The following RAB19 variants were observed in gnomAD, a reference collection of about 807,000 sequenced individuals.
RAB19 encodes the protein RAB19, member RAS oncogene family, also known as ras-related protein Rab-19.
Under a neutral mutation model 17.3 loss-of-function variants are expected in RAB19, and 21 were observed. The observed-to-expected ratio is 1.21, with a 90% CI of 0.86 to 1.74. RAB19 has a LOEUF of 1.74. Among genes scored for constraint, RAB19 ranks in the 40% most tolerant of loss-of-function variants. The pLI is 0.00. For synonymous variants in RAB19, 126 were observed against 110.4 expected (o/e 1.14, Z -0.88); for missense variants, 277 against 286.8 (o/e 0.97, Z 0.25).
intron 2 of RAB19, 200 bp from the exon 3 acceptor site, chr7:140,411,674 G>A (rs991362496): frequency 4.4e-5 from 57 of 1,292,678 alleles, no homozygotes; most frequent in East Asian, 3.1e-4. Flanking sequence ...TTAGATGGTC[G>A]TTCCCCAACC....
Position 140,406,651 on chromosome 7 carries a change from G to GA in RAB19, c.-23-962dup, listed in dbSNP as rs941891247. On this transcript the variant is annotated intron_variant, in intron 1 of 3. Transcript: ENST00000537763. ...GAGACTCTTTGTCTCAAAAAAAAAAGAAAAAAAAAAACCTTTGGTAAAATA... is the reference window on the plus strand; with the variant it reads ...GAGACTCTTTGTCTCAAAAAAAAAAGAAAAAAAAAAAACCTTTGGTAAAATA... Among the ~76,000 whole-genome samples the GA allele has an allele frequency of 3.6e-3, 500 of 137,030 alleles. 5 individuals are homozygous for GA. The highest frequency in any genetic ancestry group is 0.012 in the African/African-American group (449 of 37,516). 89.9% of individuals were successfully genotyped at this position (137,030 alleles called of 152,430 possible). A position where few individuals can be genotyped will look rare whatever the true frequency, so the allele number is the denominator to read the frequency against.
At position 140,427,613 on chromosome 7, in the gene RAB19, A is replaced by C. The variant is rs1253203756; in HGVS notation, c.*1463A>C. On this transcript the variant is annotated 3_prime_UTR_variant, in exon 4 of 4. Transcript: ENST00000537763. ...ATTACAGCCTCCCGCCACCACGCCT[A>C]GCTAATTTTTGTGTTTTTAGTAGAG... 6.9e-6 allele frequency among the ~76,000 whole-genome samples: 1 copy of C among 145,594 alleles called. No individual in the cohort carries two copies. Among genetic ancestry groups the C allele is most frequent in the Non-Finnish European group, 1.5e-5 (1 of 66,848 alleles).
At chr7:140,404,987 A>T (rs990899034) in intron 1 of RAB19, among the ~76,000 whole-genome samples, 1 of 152,144 alleles carries the variant, frequency 6.6e-6, no homozygotes, top group Non-Finnish European at 1.5e-5. Context: ...CCAGTGCAAA[A>T]TGGAAATTTT....
At chr7:140,419,015 C>G (rs1441372184) in intron 3 of RAB19, among the ~76,000 whole-genome samples, 1 of 151,750 alleles carries the variant, frequency 6.6e-6, no homozygotes, top group African/African-American at 2.4e-5. Context: ...AAGCCCACAT[C>G]CCTAAATACT....
In RAB19 at chr7:140,418,130, T is replaced by G. The variant is rs190756462; in HGVS notation, c.385+6073T>G. Among the ~76,000 whole-genome samples, 449 of 152,232 alleles carry G rather than the reference T, an allele frequency of 2.9e-3. 3 individuals carry two copies. Among genetic ancestry groups the G allele is most frequent in the African/African-American group, 9.9e-3 (412 of 41,546 alleles). On this transcript the variant is annotated intron_variant, in intron 3 of 3. Transcript: ENST00000537763. ...AAGTCCAGCTTTGACACTGGGCAGGTTGGTGACAGTGACTATGGGAAAAGA... is the reference window on the plus strand; with the variant it reads ...AAGTCCAGCTTTGACACTGGGCAGGGTGGTGACAGTGACTATGGGAAAAGA...
chr7:140,415,680 T>C (rs906360517), intron 3 of RAB19, among the ~76,000 whole-genome samples: 1 of 152,140 alleles, frequency 6.6e-6, no homozygotes, highest in Non-Finnish European at 1.5e-5. Context: ...ATGCTGGGCA[T>C]GGTGGCTCAT....
At chr7:140,410,982 G>T in intron 2 of RAB19, 1 of 1,367,768 alleles carries the variant, frequency 7.3e-7, no homozygotes, top group Non-Finnish European at 9.8e-7. Flanking sequence ...GAACAGTTCG[G>T]CCAGTATTAT....
At chr7:140,414,337 C>T (rs1227022930) in intron 3 of RAB19, among the ~76,000 whole-genome samples, 5 of 152,270 alleles carry the variant, frequency 3.3e-5, no homozygotes, top group Non-Finnish European at 5.9e-5. Context: ...CCACCACCCC[C>T]GGCCCCTCTG....
rs35384452 is a variant in RAB19 at position 140,427,452 on chromosome 7, C to CT, written c.*1318dup. Among the ~76,000 whole-genome samples the CT allele has an allele frequency of 6.0e-3, 726 of 121,650 alleles. 1 individual carries two copies. Among genetic ancestry groups the CT allele is most frequent in the Middle Eastern group, 0.016 (3 of 192 alleles). 79.8% of individuals were successfully genotyped at this position (121,650 alleles called of 152,430 possible). A position where few individuals can be genotyped will look rare whatever the true frequency, so the allele number is the denominator to read the frequency against. On this transcript the variant is annotated 3_prime_UTR_variant, in exon 4 of 4. Transcript: ENST00000537763. ...CAGGCATGAGCCACCATGCCCGGCC[C>CT]TTTTTTTTTTTTTTTTGAGACAGAG...
chr7:140,424,575 C>T lies in RAB19; in HGVS notation c.386-1307C>T, dbSNP rs184022361. Among the ~76,000 whole-genome samples the T allele has an allele frequency of 1.5e-3, 220 of 144,884 alleles. 1 individual carries two copies. Among genetic ancestry groups the T allele is most frequent in the African/African-American group, 5.7e-3 (216 of 37,844 alleles). ...TGGGGGAAACAGGGTGAAGGGTAAA[C>T]TGGACCTCTCCCTCTCTCTCTCTCT... On this transcript the variant is annotated intron_variant, in intron 3 of 3. Coordinates refer to ENST00000537763, the MANE Select transcript of RAB19 (RefSeq NM_001008749.3).
At chr7:140,413,194 A>T (rs539293375) in intron 3 of RAB19, among the ~76,000 whole-genome samples, 1 of 152,228 alleles carries the variant, frequency 6.6e-6, no homozygotes, top group African/African-American at 2.4e-5. Context: ...TTTACTGTAG[A>T]TGTATAGATT....
In RAB19 at chr7:140,409,180, A is replaced by G. The variant is rs1218597910; in HGVS notation, c.201+1333A>G. Among the ~76,000 whole-genome samples the G allele has an allele frequency of 8.1e-5, 12 of 147,832 alleles. No homozygotes were observed. The East Asian group carries it at 1.1e-3, about 13-fold the overall frequency. On this transcript the variant is annotated intron_variant, in intron 2 of 3. Transcript: ENST00000537763. ...GAAGTTCAAGACCAGCCTGGCCAAC[A>G]TGGTGAAACCCTGTCTCTACTAAAA...
chr7:140,416,629 G>T (rs762251862), intron 3 of RAB19, among the ~76,000 whole-genome samples: 17 of 152,168 alleles, frequency 1.1e-4, no homozygotes, highest in Non-Finnish European at 2.1e-4. Flanking sequence ...CTTGGGGCAG[G>T]GCCGTCTGTC....
At chr7:140,421,883 T>C (rs1230041474) in intron 3 of RAB19, among the ~76,000 whole-genome samples, 1 of 152,228 alleles carries the variant, frequency 6.6e-6, no homozygotes, top group Non-Finnish European at 1.5e-5. Context: ...TCTTTAATAA[T>C]GATTGCTTCC....
chr7:140,424,962 T>G (rs1238879510), intron 3 of RAB19, among the ~76,000 whole-genome samples: 1 of 151,994 alleles, frequency 6.6e-6, no homozygotes, highest in Admixed American at 6.6e-5. Flanking sequence ...AAAGGCAAAC[T>G]TTTATTGTAT....
chr7:140,417,714 C>G (rs747708202), intron 3 of RAB19, among the ~76,000 whole-genome samples: 1 of 152,146 alleles, frequency 6.6e-6, no homozygotes, highest in Non-Finnish European at 1.5e-5. Context: ...ATCAGTCCTG[C>G]GGGGCTGAAA....
Position 140,427,824 on chromosome 7 carries a change from A to G in RAB19, c.*1674A>G, listed in dbSNP as rs1456006983. ...AGGCTGGTCTCCAATTCCTGAGCTC[A>G]CAGGTTTCTCCCACCTCAGCCTCCC... On this transcript the variant is annotated 3_prime_UTR_variant, in exon 4 of 4. Coordinates refer to ENST00000537763, the MANE Select transcript of RAB19 (RefSeq NM_001008749.3). Among the ~76,000 whole-genome samples, 1 of 148,694 alleles carries G rather than the reference A, an allele frequency of 6.7e-6. No individual in the cohort carries two copies. The highest frequency in any genetic ancestry group is 2.5e-5 in the African/African-American group (1 of 40,258).
At chr7:140,409,470 G>A (rs868482029) in intron 2 of RAB19, among the ~76,000 whole-genome samples, 9 of 151,986 alleles carry the variant, frequency 5.9e-5, no homozygotes, top group East Asian at 1.9e-4. Context: ...CGAGGCAGGC[G>A]GATCACCCAA....
Position 140,407,661 on chromosome 7 carries a change from C to T in RAB19, c.15C>T (p.Ser5=), listed in dbSNP as rs1799268227. 6.2e-7 allele frequency: 1 copy of T among 1,614,156 alleles called. No individual in the cohort carries two copies. Among genetic ancestry groups the T allele is most frequent in the Non-Finnish European group, 8.5e-7 (1 of 1,180,028 alleles). Reference sequence around the variant, plus strand: ...TGGCAAGAACCATGCACTTCTCCAGCTCAGCCAGGGCAGCAGATGAGAACT... The same window carrying T: ...TGGCAAGAACCATGCACTTCTCCAGTTCAGCCAGGGCAGCAGATGAGAACT... MHFS[S]SARAADENFD... The change falls in exon 2 of 4, where the codon AGC becomes AGT. Residue 5 remains serine, a synonymous_variant. Coordinates refer to ENST00000537763, the MANE Select transcript of RAB19 (RefSeq NM_001008749.3).
Sources: allele counts gnomAD v4.1 joint callset (sites outside exome capture counted in the v4.1 genomes callset), GRCh38; gene constraint gnomAD v4.1.1; transcripts MANE v1.5; gene names NCBI Gene and HGNC (gene_info 2026-07-23, HGNC 2026-07-21).